RIOX2: variants seen among roughly 807,000 people sequenced by gnomAD.
The protein encoded by RIOX2 is 60S ribosomal protein L27a histidine hydroxylase.
In RIOX2, 43 loss-of-function variants were observed where a neutral mutation model predicts 51.2. The observed-to-expected ratio is 0.84, with a 90% CI of 0.66 to 1.08. RIOX2 has a LOEUF of 1.08. RIOX2 is among the 50% of genes least tolerant of loss of function. The pLI, the probability that RIOX2 is intolerant of heterozygous loss-of-function variation, is 0.00. For missense variants in RIOX2, 566 were observed against 561.7 expected (o/e 1.01, Z -0.08); for synonymous variants, 226 against 218.5 (o/e 1.03, Z -0.30).
intron 3 of RIOX2, among the ~76,000 whole-genome samples, chr3:97,961,133 C>A (rs1453679731): frequency 6.6e-6 from 1 of 152,140 alleles, no homozygotes; most frequent in Non-Finnish European, 1.5e-5. Context: ...TTAAGTGAAA[C>A]CATGACCCTC....
At chr3:97,958,260 G>C (rs546112507) in intron 4 of RIOX2, among the ~76,000 whole-genome samples, 18 of 152,296 alleles carry the variant, frequency 1.2e-4, no homozygotes, top group Non-Finnish European at 2.5e-4. Flanking sequence ...CAGGTTGGTA[G>C]AATCTTTGGA....
At chr3:97,969,790 G>A (rs572089993) in intron 1 of RIOX2, among the ~76,000 whole-genome samples, 1 of 152,312 alleles carries the variant, frequency 6.6e-6, no homozygotes, top group Admixed American at 6.5e-5. Flanking sequence ...GACCCTTGGA[G>A]CCTTGCACTT....
intron 3 of RIOX2, 151 bp from the exon 4 acceptor site, chr3:97,959,330 T>TTTC: frequency 4.3e-6 from 3 of 704,490 alleles, no homozygotes; most frequent in African/African-American, 2.0e-5. Flanking sequence ...TTTTTTTTTT[T>TTTC]AGTTGTTATA....
intron 4 of RIOX2, among the ~76,000 whole-genome samples, chr3:97,958,403 G>A (rs1254341462): frequency 6.6e-6 from 1 of 152,096 alleles, no homozygotes; most frequent in Admixed American, 6.5e-5. Flanking sequence ...CTTCTGCTGG[G>A]GATTGGCTAT....
intron 4 of RIOX2, among the ~76,000 whole-genome samples, chr3:97,958,048 C>T (rs538436393): frequency 6.6e-6 from 1 of 152,224 alleles, no homozygotes; most frequent in East Asian, 1.9e-4. Flanking sequence ...TAAAAAAAAC[C>T]AGTAAGGTTA....
intron 2 of RIOX2, among the ~76,000 whole-genome samples, chr3:97,963,584 T>G (rs899116879): frequency 5.3e-5 from 8 of 152,128 alleles, no homozygotes; most frequent in African/African-American, 1.9e-4. Flanking sequence ...CAGGACCTGG[T>G]TCTGTAATTA....
intron 5 of RIOX2, chr3:97,954,133 T>C (rs1241395651): frequency 2.4e-6 from 1 of 411,034 alleles, no homozygotes; most frequent in Non-Finnish European, 4.4e-6. Context: ...AGTCTCTTTC[T>C]TTCCAAACTA....
intron 2 of RIOX2, among the ~76,000 whole-genome samples, chr3:97,962,362 C>CGG (rs1705714675): frequency 8.7e-6 from 1 of 114,772 alleles, no homozygotes; most frequent in African/African-American, 3.2e-5. Context: ...TAAGACCCCC[C>CGG]CCCCCCCCCC....
intron 3 of RIOX2, among the ~76,000 whole-genome samples, chr3:97,960,186 G>A (rs911070828): frequency 7.2e-5 from 11 of 152,066 alleles, no homozygotes; most frequent in African/African-American, 2.7e-4. Context: ...GTACTCCCGA[G>A]AAACAGAAAA....
rs977400662 is a variant in RIOX2, at chr3:97,951,088, C to T, written c.786-200G>A. ...CATCAACCACCCTGTTTCCTCCCTC[C>T]CCGTTCCAGACACTCACTTGCAAAG... On this transcript the variant is annotated intron_variant, in intron 5 of 9. Coordinates refer to ENST00000394198, the MANE Select transcript of RIOX2 (RefSeq NM_153182.4). 78 of 527,686 alleles carry T rather than the reference C, an allele frequency of 1.5e-4. 1 individual carries two copies. The highest frequency in any genetic ancestry group is 1.4e-3 in the African/African-American group (75 of 52,148). The allele number at this position is 527,686 out of a possible 1,614,324, so 32.7% of individuals were successfully genotyped here.
In RIOX2 at chr3:97,959,074, GC is replaced by G; in HGVS notation, c.657del (p.Arg219SerfsTer8). On this transcript the variant is annotated frameshift_variant, in exon 4 of 10. Transcript: ENST00000394198. LOFTEE classifies it high-confidence loss of function. ...ACCTTCAGCATAAACTCATGCACCG[GC>G]CTGCCGATCCTTTCCTCGGCCTCCA... ...YSVEAEERIG[R>X]PVHEFMLKPG... 6.2e-7 allele frequency: 1 copy of G among 1,613,206 alleles called. No individual in the cohort carries two copies. The highest frequency in any genetic ancestry group is 1.3e-5 in the African/African-American group (1 of 75,004).
At chr3:97,946,667 G>T (rs2040375130) in intron 8 of RIOX2, among the ~76,000 whole-genome samples, 1 of 147,972 alleles carries the variant, frequency 6.8e-6, no homozygotes, top group South Asian at 2.1e-4. Context: ...GAACAATCTG[G>T]TTATCGAGAC....
At position 97,967,637 on chromosome 3, in the gene RIOX2, C is replaced by A; in HGVS notation, c.-39-5G>T. 1 of 1,505,402 alleles carries A rather than the reference C, an allele frequency of 6.6e-7. No individual in the cohort carries two copies. The highest frequency in any genetic ancestry group is 8.8e-7 in the Non-Finnish European group (1 of 1,133,392). The allele number at this position is 1,505,402 out of a possible 1,614,324, so 93.3% of individuals were successfully genotyped here. On this transcript the variant is annotated splice_region_variant and splice_polypyrimidine_tract_variant and intron_variant, in intron 1 of 9. Coordinates refer to ENST00000394198, the MANE Select transcript of RIOX2 (RefSeq NM_153182.4). ...AAGCAGTAAGGAAATGCAAACCTAC[C>A]AAAAGAACAAAACACACATGGTTAG... is the stretch of plus-strand genomic sequence containing the variant.
chr3:97,955,505 G>A (rs947797979), intron 4 of RIOX2, among the ~76,000 whole-genome samples: 1 of 151,492 alleles, frequency 6.6e-6, no homozygotes, highest in African/African-American at 2.4e-5. Context: ...AAGAGCTCAA[G>A]AAATGCCAGC....
rs935949320 is a variant in RIOX2, at chr3:97,943,533, A to T, written c.*1651T>A. The stretch of plus-strand genomic sequence containing the variant: ...GTGTTCCTATAAAGAAAATATTATG[A>T]TATCTTGGAAAGGTTCTATTCCTGA... On this transcript the variant is annotated 3_prime_UTR_variant, in exon 10 of 10. Transcript: ENST00000394198. The T allele has an allele frequency of 6.7e-5, 33 of 492,232 alleles. No individual in the cohort carries two copies. The highest frequency in any genetic ancestry group is 5.7e-4 in the African/African-American group (28 of 48,746). 30.5% of individuals were successfully genotyped at this position (492,232 alleles called of 1,614,324 possible).
chr3:97,962,737 A>G (rs1705734702), intron 2 of RIOX2, among the ~76,000 whole-genome samples: 1 of 152,216 alleles, frequency 6.6e-6, no homozygotes, highest in Non-Finnish European at 1.5e-5. Context: ...ACAAATATCA[A>G]TTATGCAACC....
intron 5 of RIOX2, 121 bp from the exon 6 acceptor site, chr3:97,951,009 G>T: frequency 1.5e-6 from 1 of 674,702 alleles, no homozygotes; most frequent in Non-Finnish European, 2.6e-6. Flanking sequence ...TCCCTGTCCA[G>T]GCATTTTGAG....
In RIOX2 at chr3:97,955,045, G is replaced by A. The variant is rs1705400615; in HGVS notation, c.682-550C>T. Among the ~76,000 whole-genome samples the A allele has an allele frequency of 2.0e-5, 3 of 152,150 alleles. No individual in the cohort carries two copies. In the South Asian group the frequency reaches 6.2e-4, roughly 31 times the overall value. On this transcript the variant is annotated intron_variant, in intron 4 of 9. Transcript: ENST00000394198. ...AAGCTCTTAGGGCAATGATGGGCAT[G>A]TGATTGGATTATATGATTTTATCCG...
Position 97,942,381 on chromosome 3 carries a change from G to C in RIOX2, c.*2803C>G. ...CATGGGCAATTCAGGCAGAAGTGGA[G>C]ACTGAATAAAAATGGAACTATCAGC... On this transcript the variant is annotated 3_prime_UTR_variant, in exon 10 of 10. Coordinates refer to ENST00000394198, the MANE Select transcript of RIOX2 (RefSeq NM_153182.4). 1 of 1,611,900 alleles carries C rather than the reference G, an allele frequency of 6.2e-7. No homozygotes were observed. Among genetic ancestry groups the C allele is most frequent in the Non-Finnish European group, 8.5e-7 (1 of 1,178,558 alleles).
Sources: gnomAD v4.1 joint callset for allele counts (sites outside exome capture counted in the v4.1 genomes callset) on GRCh38, gnomAD v4.1.1 for gene constraint, MANE v1.5 for transcripts, NCBI Gene and HGNC (gene_info 2026-07-23, HGNC 2026-07-21) for gene names.